Variants in ME1 observed in about 807,000 individuals in gnomAD.
ME1 encodes NADP-dependent malic enzyme.
ME1 carries 74 observed loss-of-function variants against 66.4 expected under a neutral mutation model. That is an observed-to-expected ratio of 1.11 (90% CI 0.92 to 1.35). The LOEUF is 1.35. Among genes scored for constraint, ME1 ranks in the 40% most tolerant of loss-of-function variants. ME1 has a pLI of 0.00. For missense variants in ME1, 750 were observed against 694.1 expected (o/e 1.08, Z -0.90); for synonymous variants, 251 against 235.6 (o/e 1.07, Z -0.60).
rs541155728 is a variant in ME1 at position 83,247,530 on chromosome 6, T to TA, written c.814+6098dup. 4.1e-3 allele frequency among the ~76,000 whole-genome samples: 596 copies of TA among 146,676 alleles called. 3 individuals are homozygous for TA. Among genetic ancestry groups the TA allele is most frequent in the African/African-American group, 0.012 (468 of 40,178 alleles). On this transcript the variant is annotated intron_variant, in intron 7 of 13. Transcript: ENST00000369705. ...CATATCTTTAAATAACAAATGTGTTTAAAAAAAAAAAGAAAAGAGTCCACC... is the reference window on the plus strand; with the variant it reads ...CATATCTTTAAATAACAAATGTGTTTAAAAAAAAAAAAGAAAAGAGTCCACC...
At chr6:83,264,554 T>A (rs192611257) in intron 6 of ME1, among the ~76,000 whole-genome samples, 1 of 152,298 alleles carries the variant, frequency 6.6e-6, no homozygotes, top group African/African-American at 2.4e-5. Flanking sequence ...AGAACATTTG[T>A]GATTCATGGA....
chr6:83,389,748 T>C (rs577880318), intron 3 of ME1, among the ~76,000 whole-genome samples: 1 of 152,040 alleles, frequency 6.6e-6, no homozygotes, highest in East Asian at 1.9e-4. Context: ...ACAGGTAACT[T>C]AAGTAACACA....
At chr6:83,393,941 G>A (rs1769681314) in intron 3 of ME1, among the ~76,000 whole-genome samples, 1 of 152,006 alleles carries the variant, frequency 6.6e-6, no homozygotes, top group South Asian at 2.1e-4. Context: ...AATAGTTTAT[G>A]TAGTATGATT....
At chr6:83,260,640 C>G (rs1374348130) in intron 6 of ME1, among the ~76,000 whole-genome samples, 2 of 152,154 alleles carry the variant, frequency 1.3e-5, no homozygotes, top group African/African-American at 4.8e-5. Flanking sequence ...TTGTGCCCCT[C>G]TTTGTGTTCA....
chr6:83,254,906 G>C (rs1399785985), intron 6 of ME1, among the ~76,000 whole-genome samples: 1 of 152,106 alleles, frequency 6.6e-6, no homozygotes, highest in Non-Finnish European at 1.5e-5. Context: ...TCTCAGAACA[G>C]AGAATGTTAA....
chr6:83,278,416 G>C (rs1371956465), intron 6 of ME1, among the ~76,000 whole-genome samples: 1 of 152,134 alleles, frequency 6.6e-6, no homozygotes, highest in African/African-American at 2.4e-5. Flanking sequence ...AGCGGGGAGA[G>C]AATAGTAACC....
At chr6:83,305,916 G>C (rs1220849821) in intron 6 of ME1, among the ~76,000 whole-genome samples, 1 of 151,894 alleles carries the variant, frequency 6.6e-6, no homozygotes, top group East Asian at 1.9e-4. Context: ...ATTGTTATAA[G>C]ATTTCCCCAA....
chr6:83,389,667 A>T (rs1352291712), intron 3 of ME1, among the ~76,000 whole-genome samples: 1 of 152,208 alleles, frequency 6.6e-6, no homozygotes, highest in Non-Finnish European at 1.5e-5. Context: ...AATCTGCTTC[A>T]GCTATCCATT....
Position 83,211,899 on chromosome 6 carries a change from A to G in ME1, c.*25T>C, listed in dbSNP as rs758837677. 1 of 1,491,874 alleles carries G rather than the reference A, an allele frequency of 6.7e-7. No individual in the cohort carries two copies. The highest frequency in any genetic ancestry group is 2.4e-5 in the East Asian group (1 of 41,840). 92.4% of individuals were successfully genotyped at this position (1,491,874 alleles called of 1,614,324 possible). A position where few individuals can be genotyped will look rare whatever the true frequency, so the allele number is the denominator to read the frequency against. Reference sequence around the variant, plus strand: ...TGAAAGGTTTAAAGACCTCATTAATAGAGTTAGAAATGTTTGCTATTATCC... The same window carrying G: ...TGAAAGGTTTAAAGACCTCATTAATGGAGTTAGAAATGTTTGCTATTATCC... On this transcript the variant is annotated 3_prime_UTR_variant, in exon 14 of 14. Coordinates refer to ENST00000369705, the MANE Select transcript of ME1 (RefSeq NM_002395.6).
rs78396580 is a variant in ME1, at chr6:83,419,347, A to G, written c.79-11446T>C. Among the ~76,000 whole-genome samples the G allele has an allele frequency of 9.7e-4, 147 of 152,300 alleles. 3 individuals carry two copies. The East Asian group carries it at 0.027, about 28-fold the overall frequency. On this transcript the variant is annotated intron_variant, in intron 1 of 13. Transcript: ENST00000369705. ...GGCAAATCATAGATGGCTCAACCTG[A>G]TATCATGATTCTTAATCTGTTTTCG...
chr6:83,257,938 G>A (rs1766813264), intron 6 of ME1, among the ~76,000 whole-genome samples: 1 of 152,158 alleles, frequency 6.6e-6, no homozygotes, highest in Non-Finnish European at 1.5e-5. Context: ...ATTATGTTCA[G>A]AAGGAGCAGA....
chr6:83,289,652 G>A (rs1583359562), intron 6 of ME1, among the ~76,000 whole-genome samples: 1 of 152,272 alleles, frequency 6.6e-6, no homozygotes, highest in East Asian at 1.9e-4. Context: ...CCTCATAAAT[G>A]AGTTAGGGAG....
rs774019669 is a variant in ME1, at chr6:83,228,913, G to C, written c.1045C>G (p.Gln349Glu). 3 of 1,611,602 alleles carry C rather than the reference G, an allele frequency of 1.9e-6. No individual in the cohort carries two copies. In the East Asian group the frequency reaches 6.7e-5, roughly 36 times the overall value. Residue 349 changes from glutamine (Q) to glutamate (E), a missense_variant, in exon 10 of 14, where the codon CAA becomes GAA. Coordinates refer to ENST00000369705, the MANE Select transcript of ME1 (RefSeq NM_002395.6). ...LIVKGRASLT[Q>E]EKEKFAHEHE... ...TCATGGGCAAACTTCTCTTTCTCTT[G>C]TGTTAAGGAAGCACGTCCCTAAGTA...
chr6:83,240,297 T>A (rs1790488169), intron 7 of ME1, among the ~76,000 whole-genome samples: 2 of 152,116 alleles, frequency 1.3e-5, no homozygotes, highest in South Asian at 4.1e-4. Context: ...AATTTAATGT[T>A]AATGGCAAGT....
intron 6 of ME1, 151 bp downstream of exon 6, chr6:83,315,159 A>C: frequency 1.7e-6 from 1 of 579,156 alleles, no homozygotes. Flanking sequence ...TCATTTGTCC[A>C]TTAACAGTTA....
intron 6 of ME1, among the ~76,000 whole-genome samples, chr6:83,310,101 T>C (rs1336562812): frequency 2.0e-5 from 3 of 152,132 alleles, no homozygotes; most frequent in African/African-American, 7.2e-5. Context: ...ACTTTCTGAA[T>C]TGAGAAATTA....
At chr6:83,398,552 T>C (rs769093720) in intron 2 of ME1, 36 bp from the exon 3 acceptor site, 1 of 1,184,528 alleles carries the variant, frequency 8.4e-7, no homozygotes, top group East Asian at 2.6e-5. Flanking sequence ...CTACATCCCA[T>C]AAAGTCATGA....
chr6:83,405,924 T>C lies in ME1; in HGVS notation c.212+1844A>G, dbSNP rs6931679. 8.6e-3 allele frequency among the ~76,000 whole-genome samples: 1,316 copies of C among 152,144 alleles called. 18 individuals carry two copies. Among genetic ancestry groups the C allele is most frequent in the African/African-American group, 0.03 (1,233 of 41,512 alleles). ...TTTTAGTAGAGACGGGGTTTCACCG[T>C]TTTAGCCGGGATGGTCTCGATCTCC... is the stretch of plus-strand genomic sequence containing the variant. On this transcript the variant is annotated intron_variant, in intron 2 of 13. Coordinates refer to ENST00000369705, the MANE Select transcript of ME1 (RefSeq NM_002395.6).
chr6:83,296,827 T>A (rs545279202), intron 6 of ME1, among the ~76,000 whole-genome samples: 1 of 152,340 alleles, frequency 6.6e-6, no homozygotes, highest in African/African-American at 2.4e-5. Flanking sequence ...AGTTTCAGGA[T>A]ACAAAATCAA....
Sources: allele counts gnomAD v4.1 joint callset (sites outside exome capture counted in the v4.1 genomes callset), GRCh38; gene constraint gnomAD v4.1.1; transcripts MANE v1.5; gene names NCBI Gene and HGNC (gene_info 2026-07-23, HGNC 2026-07-21).